ROBO2: variants seen among roughly 807,000 people sequenced by gnomAD.
The protein encoded by ROBO2 is roundabout homolog 2.
Under a neutral mutation model 160.8 loss-of-function variants are expected in ROBO2, and 53 were observed. That is an observed-to-expected ratio of 0.33 (90% CI 0.26 to 0.41). The LOEUF is 0.41. ROBO2 is among the 10% of genes least tolerant of loss of function. ROBO2 has a pLI of 1.00. For synonymous variants in ROBO2, 664 were observed against 611.7 expected, an observed-to-expected ratio of 1.09 and a Z score of -1.26; for missense variants, 1,577 against 1,722.4, an observed-to-expected ratio of 0.92 and a Z score of 1.49.
At position 77,349,283 on chromosome 3, in the gene ROBO2, A is replaced by G. The variant is rs2068036274; in HGVS notation, c.389-128131A>G. Reference sequence around the variant, plus strand: ...TTTTCTTTATTTTCCAAATGAAGGCAATTATACATCTTGCCCAGGGTCACA... The same window carrying G: ...TTTTCTTTATTTTCCAAATGAAGGCGATTATACATCTTGCCCAGGGTCACA... On this transcript the variant is annotated intron_variant, in intron 2 of 25. Transcript: ENST00000461745. Among the ~76,000 whole-genome samples, 4 of 152,318 alleles carry G rather than the reference A, an allele frequency of 2.6e-5. No individual in the cohort carries two copies. In the South Asian group the frequency reaches 8.3e-4, roughly 32 times the overall value.
intron 2 of ROBO2, among the ~76,000 whole-genome samples, chr3:77,376,197 C>T (rs1158549803): frequency 6.9e-6 from 1 of 144,212 alleles, no homozygotes; most frequent in Non-Finnish European, 1.5e-5. Context: ...TTCTGTCACC[C>T]AGGCTGGAGT....
intron 2 of ROBO2, among the ~76,000 whole-genome samples, chr3:77,382,431 A>G (rs533457144): frequency 2.8e-4 from 43 of 151,118 alleles, no homozygotes; most frequent in Middle Eastern, 3.4e-3. Context: ...TGTAATTTCA[A>G]TAGCTTTTGG....
chr3:76,658,203 C>G (rs1336787861), intron 2 of ROBO2, among the ~76,000 whole-genome samples: 1 of 151,532 alleles, frequency 6.6e-6, no homozygotes, highest in Non-Finnish European at 1.5e-5. Context: ...TTCCAATACC[C>G]AGACATAGTC....
intron 24 of ROBO2, chr3:77,642,693 C>G (rs2095365730): frequency 2.2e-6 from 1 of 456,448 alleles, no homozygotes; most frequent in Non-Finnish European, 4.4e-6. Flanking sequence ...CACCAGATCC[C>G]CCGCCAGGTC....
At chr3:77,462,464 A>G (rs1670336905) in intron 2 of ROBO2, among the ~76,000 whole-genome samples, 1 of 152,226 alleles carries the variant, frequency 6.6e-6, no homozygotes, top group Non-Finnish European at 1.5e-5. Flanking sequence ...CATCCTACAG[A>G]TATTTTATTG....
intron 2 of ROBO2, among the ~76,000 whole-genome samples, chr3:76,982,119 C>T (rs898958749): frequency 2.6e-5 from 4 of 152,136 alleles, no homozygotes; most frequent in Non-Finnish European, 5.9e-5. Context: ...GTTGCTGCTG[C>T]ATTTGCTTTT....
chr3:76,666,433 C>A (rs2092049404), intron 2 of ROBO2, among the ~76,000 whole-genome samples: 1 of 152,044 alleles, frequency 6.6e-6, no homozygotes, highest in South Asian at 2.1e-4. Context: ...ACATTATCAG[C>A]ATGACATAGT....
chr3:75,912,949 C>A (rs957861370), intron 1 of ROBO2, among the ~76,000 whole-genome samples: 2 of 152,134 alleles, frequency 1.3e-5, no homozygotes, highest in Non-Finnish European at 2.9e-5. Flanking sequence ...TAACAAATTA[C>A]CACACATTTA....
chr3:76,808,546 A>G (rs2064919756), intron 2 of ROBO2, among the ~76,000 whole-genome samples: 1 of 152,156 alleles, frequency 6.6e-6, no homozygotes, highest in Admixed American at 6.6e-5. Context: ...AATATATGGT[A>G]TATAAGAGCC....
chr3:76,272,460 C>T (rs911525191), intron 2 of ROBO2, among the ~76,000 whole-genome samples: 14 of 151,240 alleles, frequency 9.3e-5, no homozygotes, highest in African/African-American at 2.4e-4. Context: ...GTCAAGAGGT[C>T]GAGACCAGCC....
At chr3:77,289,290 T>C (rs560315292) in intron 2 of ROBO2, among the ~76,000 whole-genome samples, 2 of 152,248 alleles carry the variant, frequency 1.3e-5, no homozygotes, top group South Asian at 2.1e-4. Flanking sequence ...TAAAGTAAAA[T>C]TGACGGTTAA....
At chr3:76,076,752 C>G (rs919694548) in intron 2 of ROBO2, among the ~76,000 whole-genome samples, 1 of 152,182 alleles carries the variant, frequency 6.6e-6, no homozygotes, top group African/African-American at 2.4e-5. Flanking sequence ...GAAGTGCTGT[C>G]TTCCAAAAGA....
At chr3:76,566,070 C>T (rs1242968484) in intron 2 of ROBO2, among the ~76,000 whole-genome samples, 2 of 152,152 alleles carry the variant, frequency 1.3e-5, no homozygotes, top group African/African-American at 4.8e-5. Flanking sequence ...CACATAGCTT[C>T]CTTTGTTCAC....
chr3:76,349,393 C>T (rs998657437), intron 2 of ROBO2, among the ~76,000 whole-genome samples: 1 of 152,080 alleles, frequency 6.6e-6, no homozygotes, highest in Non-Finnish European at 1.5e-5. Context: ...TACATATACT[C>T]ATTTAGCTTA....
At chr3:77,326,098 G>GA (rs1394043836) in intron 2 of ROBO2, among the ~76,000 whole-genome samples, 1 of 152,146 alleles carries the variant, frequency 6.6e-6, no homozygotes, top group East Asian at 1.9e-4. Flanking sequence ...CTCACTGAAT[G>GA]AAAAATGGAA....
At chr3:76,190,577 C>G (rs535162457) in intron 2 of ROBO2, among the ~76,000 whole-genome samples, 2 of 152,144 alleles carry the variant, frequency 1.3e-5, no homozygotes, top group African/African-American at 2.4e-5. Context: ...AGACATATAA[C>G]TTTAAAATGG....
intron 2 of ROBO2, among the ~76,000 whole-genome samples, chr3:76,427,027 G>A (rs1050040058): frequency 5.3e-5 from 8 of 152,060 alleles, no homozygotes; most frequent in East Asian, 1.9e-4. Flanking sequence ...ATGTTGTGCC[G>A]TGCTAACATA....
At chr3:76,071,464 G>T (rs548437724) in intron 2 of ROBO2, among the ~76,000 whole-genome samples, 1 of 152,128 alleles carries the variant, frequency 6.6e-6, no homozygotes, top group Non-Finnish European at 1.5e-5. Flanking sequence ...AACTGGTTGG[G>T]TTATCTGGCT....
chr3:77,395,311 C>T (rs532087896), intron 2 of ROBO2, among the ~76,000 whole-genome samples: 18 of 152,196 alleles, frequency 1.2e-4, no homozygotes, highest in Admixed American at 7.2e-4. Flanking sequence ...CTTACTTTTC[C>T]GCTTTCCCGG....
Sources: allele counts gnomAD v4.1 joint callset (sites outside exome capture counted in the v4.1 genomes callset), GRCh38; gene constraint gnomAD v4.1.1; transcripts MANE v1.5; gene names NCBI Gene and HGNC (gene_info 2026-07-23, HGNC 2026-07-21).